The following APOH variants were observed in gnomAD, a reference collection of about 807,000 sequenced individuals.
APOH encodes apolipoprotein H.
A neutral mutation model predicts 39.8 loss-of-function variants in APOH; 48 were observed. The ratio of observed to expected loss-of-function variants is 1.21; its 90% CI spans 0.96 to 1.54. The LOEUF (loss-of-function observed/expected upper bound fraction) is 1.54, where lower values mean the gene tolerates loss of function less well. Ranked by LOEUF, APOH falls within the 40% of genes most tolerant of loss-of-function variation. The pLI, the probability that APOH is intolerant of heterozygous loss-of-function variation, is 0.00. For missense variants in APOH, 415 were observed against 421.2 expected, an observed-to-expected ratio of 0.99 and a Z score of 0.13; for synonymous variants, 153 against 151.1, an observed-to-expected ratio of 1.01 and a Z score of -0.09.
chr17:66,218,113 T>A (rs2073376329), intron 5 of APOH, among the ~76,000 whole-genome samples: 1 of 152,214 alleles, frequency 6.6e-6, no homozygotes, highest in Non-Finnish European at 1.5e-5. Flanking sequence ...TCAAGGATCA[T>A]CATTGGATTC....
chr17:66,217,394 T>C (rs867131285), intron 5 of APOH, among the ~76,000 whole-genome samples: 3 of 132,670 alleles, frequency 2.3e-5, no homozygotes, highest in Middle Eastern at 4.4e-3. Context: ...TTTAAAATAG[T>C]AAATCTTACT....
chr17:66,218,023 AG>A (rs2073375855), intron 5 of APOH, among the ~76,000 whole-genome samples: 1 of 152,118 alleles, frequency 6.6e-6, no homozygotes, highest in African/African-American at 2.4e-5. Flanking sequence ...TATAGAGGGA[AG>A]CCAGTGAATA....
At chr17:66,213,340 A>G (rs2073346336) in intron 7 of APOH, among the ~76,000 whole-genome samples, 1 of 152,148 alleles carries the variant, frequency 6.6e-6, no homozygotes, top group African/African-American at 2.4e-5. Context: ...TCTCACACAA[A>G]CCTGGTATCA....
chr17:66,216,418 A>G (rs2073365785), intron 6 of APOH, among the ~76,000 whole-genome samples: 1 of 151,272 alleles, frequency 6.6e-6, no homozygotes, highest in African/African-American at 2.4e-5. Context: ...CGGGAGGCAG[A>G]GGTGGCAGTG....
intron 3 of APOH, among the ~76,000 whole-genome samples, chr17:66,224,036 A>C (rs1423079170): frequency 1.3e-5 from 2 of 152,226 alleles, no homozygotes; most frequent in East Asian, 3.9e-4. Context: ...AGAGTTGGCC[A>C]AGATGACTGT....
At chr17:66,224,483 A>G (rs2073422339) in intron 3 of APOH, among the ~76,000 whole-genome samples, 1 of 146,146 alleles carries the variant, frequency 6.8e-6, no homozygotes, top group Admixed American at 7.0e-5. Context: ...AAAAAAAAAA[A>G]AAAAAAAAGA....
At chr17:66,213,281 A>T (rs971577745) in intron 7 of APOH, among the ~76,000 whole-genome samples, 4 of 152,226 alleles carry the variant, frequency 2.6e-5, no homozygotes, top group Non-Finnish European at 4.4e-5. Context: ...TAAATCTGAA[A>T]CCTTAAAAGG....
chr17:66,217,701 G>A (rs2073374053), intron 5 of APOH, among the ~76,000 whole-genome samples: 2 of 152,078 alleles, frequency 1.3e-5, no homozygotes, highest in East Asian at 1.9e-4. Flanking sequence ...CGGTCATCCT[G>A]GCACTTTGGG....
At chr17:66,227,114 C>T (rs1010202940) in intron 2 of APOH, among the ~76,000 whole-genome samples, 1 of 152,076 alleles carries the variant, frequency 6.6e-6, no homozygotes, top group African/African-American at 2.4e-5. Flanking sequence ...GAACTCCTGA[C>T]CTCAGGCGAT....
chr17:66,214,634 A>C lies in APOH; in HGVS notation c.801T>G (p.Pro267=). 1 of 1,612,784 alleles carries C rather than the reference A, an allele frequency of 6.2e-7. No individual in the cohort carries two copies. The highest frequency in any genetic ancestry group is 8.5e-7 in the Non-Finnish European group (1 of 1,179,520). Residue 267 remains proline, a synonymous_variant, in exon 7 of 8, where the codon CCT becomes CCG. Coordinates refer to ENST00000205948, the MANE Select transcript of APOH (RefSeq NM_000042.3). ...GGTACACCACAGTGGCTTTTTTCAC[A>C]GGTACTTTACAAGATGCTGAAAGAG... ...MPSCKASCKV[P]VKKATVVYQG...
chr17:66,214,740 A>C, intron 6 of APOH, 90 bp from the exon 7 acceptor site: 1 of 1,127,158 alleles, frequency 8.9e-7, no homozygotes, highest in Non-Finnish European at 1.3e-6. Flanking sequence ...AGATGAGTAC[A>C]CCTACACAAA....
At chr17:66,226,308 T>C (rs2073439196) in intron 2 of APOH, among the ~76,000 whole-genome samples, 184 bp from the exon 3 acceptor site, 1 of 152,216 alleles carries the variant, frequency 6.6e-6, no homozygotes, top group African/African-American at 2.4e-5. Context: ...GTGATATATG[T>C]ACAAAAGCGT....
In APOH at chr17:66,226,054, G is replaced by A. The variant is rs763484057; in HGVS notation, c.312C>T (p.Asn104=). The change falls in exon 3 of 8, where the codon AAC becomes AAT. Residue 104 remains asparagine (N), a synonymous_variant. Transcript: ENST00000205948. ...AVRYTTFEYP[N]TISFSCNTGF... ...CAGTGTTACAAGAAAAACTGATCGT[G>A]TTGGGATATTCAAAAGTCGTATAGC... The A allele has an allele frequency of 3.4e-5, 55 of 1,613,456 alleles. No individual in the cohort carries two copies. The South Asian group carries it at 4.5e-4, about 13-fold the overall frequency.
At chr17:66,220,811 GAA>G (rs78195703) in intron 4 of APOH, 69 bp from the exon 5 acceptor site, 2 of 1,235,846 alleles carry the variant, frequency 1.6e-6, no homozygotes, top group African/African-American at 3.1e-5. Context: ...TTTCCAGAAA[GAA>G]AAAAAAAACC....
At chr17:66,223,103 C>A (rs1313508509) in intron 4 of APOH, among the ~76,000 whole-genome samples, 3 of 152,158 alleles carry the variant, frequency 2.0e-5, no homozygotes, top group Non-Finnish European at 2.9e-5. Flanking sequence ...AGGATGCAAG[C>A]CCCTTTGATG....
intron 6 of APOH, among the ~76,000 whole-genome samples, 167 bp downstream of exon 6, chr17:66,216,621 A>T (rs969049236): frequency 6.6e-6 from 1 of 152,228 alleles, no homozygotes; most frequent in Non-Finnish European, 1.5e-5. Flanking sequence ...ATACTTCCTA[A>T]GCATGAGGCT....
At chr17:66,218,853 T>A (rs1297023919) in intron 5 of APOH, among the ~76,000 whole-genome samples, 1 of 151,970 alleles carries the variant, frequency 6.6e-6, no homozygotes, top group African/African-American at 2.4e-5. Flanking sequence ...CTACTAAAAT[T>A]ATAAAAATTA....
At chr17:66,227,881 CCTT>C in intron 2 of APOH, 136 bp downstream of exon 2, 1 of 817,774 alleles carries the variant, frequency 1.2e-6, no homozygotes, top group South Asian at 1.8e-5. Flanking sequence ...CTCCCCAAGA[CCTT>C]CTCATTTCTC....
intron 7 of APOH, among the ~76,000 whole-genome samples, chr17:66,212,790 A>C (rs1161167524): frequency 6.6e-6 from 1 of 152,256 alleles, no homozygotes; most frequent in Non-Finnish European, 1.5e-5. Flanking sequence ...ACAGTACTGC[A>C]TCTGTCCAAA....
Sources: allele counts gnomAD v4.1 joint callset (sites outside exome capture counted in the v4.1 genomes callset), GRCh38; gene constraint gnomAD v4.1.1; transcripts MANE v1.5; gene names NCBI Gene and HGNC (gene_info 2026-07-23, HGNC 2026-07-21).